Variants in GNL3L observed in about 807,000 individuals in gnomAD.
GNL3L encodes G protein nucleolar 3 like.
A neutral mutation model predicts 42.9 loss-of-function variants in GNL3L; 4 were observed. The observed-to-expected ratio is 0.09, with a 90% CI of 0.05 to 0.21. The LOEUF (loss-of-function observed/expected upper bound fraction) is 0.21, where lower values mean the gene tolerates loss of function less well. Among genes scored for constraint, GNL3L ranks in the 10% least tolerant of loss-of-function variants. The pLI is 1.00. For missense variants in GNL3L, 412 were observed against 481.7 expected (o/e 0.86, Z 1.36); for synonymous variants, 159 against 176.3 (o/e 0.90, Z 0.78).
chrX:54,537,943 T>C (rs1263464989), intron 2 of GNL3L, among the ~76,000 whole-genome samples: 4 of 111,553 alleles, frequency 3.6e-5, no homozygotes, highest in African/African-American at 9.8e-5. Flanking sequence ...TTTTGGAAAA[T>C]CTTTTTTTCT....
chrX:54,616,560 T>G (rs1926222262), intron 16 of GNL3L, among the ~76,000 whole-genome samples: 1 of 112,120 alleles, frequency 8.9e-6, no homozygotes, highest in South Asian at 3.7e-4. Context: ...TTTTAAGTAG[T>G]TTTTGTTCCC....
chrX:54,602,353 T>C (rs1386926388), intron 16 of GNL3L, among the ~76,000 whole-genome samples: 1 of 111,606 alleles, frequency 9.0e-6, no homozygotes, highest in Non-Finnish European at 1.9e-5. Context: ...TATCTTTTCA[T>C]GTGCTTATTT....
intron 2 of GNL3L, among the ~76,000 whole-genome samples, chrX:54,537,642 CAG>C (rs971707646): frequency 1.8e-5 from 2 of 111,295 alleles, no homozygotes; most frequent in African/African-American, 6.5e-5. Flanking sequence ...TTTTAAGAGA[CAG>C]AGTCTCACTA....
chrX:54,568,364 A>G (rs1013473241), downstream of GNL3L, among the ~76,000 whole-genome samples: 1 of 111,331 alleles, frequency 9.0e-6, no homozygotes, highest in African/African-American at 3.3e-5. Flanking sequence ...CAAATCTATC[A>G]TCTTACACTT....
chrX:54,536,203 G>A (rs936552851), intron 2 of GNL3L, among the ~76,000 whole-genome samples: 5 of 108,153 alleles, frequency 4.6e-5, no homozygotes, highest in Admixed American at 9.9e-5. Context: ...TAGTAGAGAC[G>A]GGGTTTCACC....
chrX:54,632,440 AC>A, the GNL3L span, among the ~76,000 whole-genome samples: 2 of 109,011 alleles, frequency 1.8e-5, no homozygotes, highest in Non-Finnish European at 3.8e-5. Context: ...ATAATTTCAA[AC>A]TTTTTGGAGG....
At chrX:54,550,918 C>A in intron 9 of GNL3L, 45 bp from the exon 10 acceptor site, 1 of 709,622 alleles carries the variant, frequency 1.4e-6, no homozygotes, top group Non-Finnish European at 2.3e-6. Flanking sequence ...CCTGAGTGTT[C>A]CTGAGGGCCT....
At chrX:54,611,613 C>G (rs1358357324) in intron 16 of GNL3L, among the ~76,000 whole-genome samples, 1 of 112,033 alleles carries the variant, frequency 8.9e-6, no homozygotes, top group Non-Finnish European at 1.9e-5. Context: ...ACCCAATGCT[C>G]ATTCAGGAGC....
chrX:54,624,633 G>T (rs1926332721), downstream of GNL3L, among the ~76,000 whole-genome samples: 2 of 108,158 alleles, frequency 1.8e-5, no homozygotes, highest in African/African-American at 6.8e-5. Context: ...TAGAGACGGG[G>T]TTTCACCATG....
chrX:54,622,850 A>C (rs1926305620), downstream of GNL3L, among the ~76,000 whole-genome samples: 1 of 111,166 alleles, frequency 9.0e-6, no homozygotes, highest in Non-Finnish European at 1.9e-5. Flanking sequence ...TATGGTTTTA[A>C]CTCTTACATT....
intron 16 of GNL3L, among the ~76,000 whole-genome samples, chrX:54,586,941 A>G (rs1925790919): frequency 8.9e-6 from 1 of 111,905 alleles, no homozygotes; most frequent in Non-Finnish European, 1.9e-5. Context: ...ACCCACCTGT[A>G]GGTTTGGAGA....
At chrX:54,590,698 A>T (rs1925857949) in intron 16 of GNL3L, among the ~76,000 whole-genome samples, 1 of 111,875 alleles carries the variant, frequency 8.9e-6, no homozygotes, top group African/African-American at 3.2e-5. Context: ...TACCAGACCA[A>T]TGTGCTTGAG....
chrX:54,634,076 C>G, the GNL3L span, among the ~76,000 whole-genome samples: 3 of 112,375 alleles, frequency 2.7e-5, no homozygotes, highest in East Asian at 8.4e-4. Context: ...CAGTTTGACT[C>G]TAATGTGTCT....
At chrX:54,600,489 G>A (rs1023084074) in intron 16 of GNL3L, among the ~76,000 whole-genome samples, 4 of 109,733 alleles carry the variant, frequency 3.6e-5, no homozygotes, top group Non-Finnish European at 7.6e-5. Flanking sequence ...GCCTCCCAGA[G>A]TGCTGGGATT....
At chrX:54,608,228 A>G (rs903634291) in intron 16 of GNL3L, among the ~76,000 whole-genome samples, 3 of 111,453 alleles carry the variant, frequency 2.7e-5, no homozygotes, top group South Asian at 3.7e-4. Context: ...TTTGCCTGAC[A>G]CTTTCCACAT....
chrX:54,637,846 C>T, the GNL3L span, among the ~76,000 whole-genome samples: 1 of 110,978 alleles, frequency 9.0e-6, no homozygotes, highest in African/African-American at 3.3e-5. Flanking sequence ...GAGAAAATGG[C>T]GTCTAGCATT....
At chrX:54,538,294 T>G (rs1024059280) in intron 2 of GNL3L, among the ~76,000 whole-genome samples, 1 of 111,620 alleles carries the variant, frequency 9.0e-6, no homozygotes, top group Non-Finnish European at 1.9e-5. Context: ...TGTGTGGTAT[T>G]CTCGAGCTGC....
chrX:54,603,561 A>G (rs1926026420), intron 16 of GNL3L, among the ~76,000 whole-genome samples: 1 of 111,865 alleles, frequency 8.9e-6, no homozygotes, highest in Admixed American at 9.5e-5. Flanking sequence ...ACTTAACGTT[A>G]GCAGCAATTG....
intron 14 of GNL3L, among the ~76,000 whole-genome samples, chrX:54,555,478 CTTTCTTTTTT>C (rs1925066266): frequency 9.3e-6 from 1 of 107,274 alleles, no homozygotes; most frequent in African/African-American, 3.4e-5. Flanking sequence ...CTTTCTTTTT[CTTTCTTTTTT>C]GAGATGGAAA....
Sources: allele counts gnomAD v4.1 joint callset (sites outside exome capture counted in the v4.1 genomes callset), GRCh38; gene constraint gnomAD v4.1.1; transcripts MANE v1.5; gene names NCBI Gene and HGNC (gene_info 2026-07-23, HGNC 2026-07-21).